PRR5: variants seen among roughly 807,000 people sequenced by gnomAD.
PRR5 encodes proline rich 5.
PRR5 carries 25 observed loss-of-function variants against 30.6 expected under a neutral mutation model. The ratio of observed to expected loss-of-function variants is 0.82; its 90% CI spans 0.60 to 1.14. PRR5 has a LOEUF of 1.14. Ranked by LOEUF, PRR5 falls within the 50% of genes most tolerant of loss-of-function variation. PRR5 has a pLI of 0.00. For missense variants in PRR5, 600 were observed against 547.1 expected (o/e 1.10, Z -0.96); for synonymous variants, 286 against 247.1 (o/e 1.16, Z -1.48).
intron 1 of PRR5, among the ~76,000 whole-genome samples, chr22:44,681,972 G>A (rs1924330256): frequency 6.6e-6 from 1 of 152,210 alleles, no homozygotes; most frequent in South Asian, 2.1e-4. Context: ...AGTGGCTGGA[G>A]GGAGGAGCCG....
At position 44,691,752 on chromosome 22, in the gene PRR5, C is replaced by T. The variant is rs1925260116; in HGVS notation, c.-10-10740C>T. Among the ~76,000 whole-genome samples, 1 of 151,778 alleles carries T rather than the reference C, an allele frequency of 6.6e-6. No individual in the cohort carries two copies. Among genetic ancestry groups the T allele is most frequent in the South Asian group, 2.1e-4 (1 of 4,826 alleles). ...TTGCACCACTGCATTCCAGCCTGCG[C>T]GACGGGAGCAAGACTCCATCTCAAA... On this transcript the variant is annotated intron_variant, in intron 1 of 8. Transcript: ENST00000006251. The surrounding 1 kb of genome is among the most constrained non-coding windows in gnomAD (Gnocchi z 4.4).
chr22:44,731,878 C>T (rs928770316), intron 5 of PRR5, 57 bp downstream of exon 5: 3 of 1,553,674 alleles, frequency 1.9e-6, no homozygotes, highest in Middle Eastern at 2.0e-4. Flanking sequence ...CCCACCCTGG[C>T]CTCACTCTAC....
At chr22:44,673,475 T>C (rs1258828005), upstream of PRR5, among the ~76,000 whole-genome samples, 1 of 152,230 alleles carries the variant, frequency 6.6e-6, no homozygotes, top group Non-Finnish European at 1.5e-5. Context: ...CACTGTTCCA[T>C]CATCATCCCA....
chr22:44,684,021 C>T (rs12169228), intron 1 of PRR5, among the ~76,000 whole-genome samples: 13,684 of 152,154 alleles, frequency 0.09, 773 homozygotes, highest in East Asian at 0.27. Context: ...AGGGTGTGTC[C>T]CCCGGACTGG....
chr22:44,728,715 T>G (rs752999), intron 4 of PRR5, among the ~76,000 whole-genome samples: 20,266 of 152,220 alleles, frequency 0.13, 2,001 homozygotes, highest in South Asian at 0.41. Context: ...CTACCCCTGC[T>G]TGGGTTCCAC....
At chr22:44,730,739 G>A (rs1323656589) in intron 4 of PRR5, 4 of 902,228 alleles carry the variant, frequency 4.4e-6, no homozygotes, top group Non-Finnish European at 5.6e-6. Flanking sequence ...TTCCTTCGAC[G>A]TGGTGCTGCT....
chr22:44,731,639 A>T (rs1456596827), intron 4 of PRR5, 91 bp from the exon 5 acceptor site: 8 of 1,329,134 alleles, frequency 6.0e-6, no homozygotes, highest in Non-Finnish European at 8.6e-6. Context: ...CAGGCCCTCC[A>T]CTCCCGCATC....
chr22:44,685,162 A>C (rs1391598679), intron 1 of PRR5, among the ~76,000 whole-genome samples: 2 of 152,156 alleles, frequency 1.3e-5, no homozygotes, highest in Non-Finnish European at 2.9e-5. Context: ...GGTCTGCCCC[A>C]GGTCGGAGGG....
Position 44,736,870 on chromosome 22 carries a change from C to A in PRR5, c.790C>A (p.Gln264Lys). Residue 264 changes from glutamine to lysine, a missense_variant, in exon 8 of 8, where the codon CAG becomes AAG. Coordinates refer to ENST00000336985, the MANE Select transcript of PRR5 (RefSeq NM_181333.4). ...CAACACGCCTCTGCTGAACCCCGTG[C>A]AGGAGCACGAGGCGGAGGGCGCGGC... ...SYNTPLLNPV[Q>K]EHEAEGAAAG... 1 of 1,609,672 alleles carries A rather than the reference C, an allele frequency of 6.2e-7. No individual in the cohort carries two copies. Among genetic ancestry groups the A allele is most frequent in the Non-Finnish European group, 8.5e-7 (1 of 1,178,260 alleles).
In PRR5 at chr22:44,737,197, T is replaced by C. The variant is rs895404032; in HGVS notation, c.1117T>C (p.Ser373Pro). The C allele has an allele frequency of 3.7e-6, 6 of 1,611,004 alleles. No individual in the cohort carries two copies. Among genetic ancestry groups the C allele is most frequent in the East Asian group, 2.2e-5 (1 of 44,818 alleles). ...IFIDFGRGRG[S>P]GMSDLEGSGG... ...CATTGACTTTGGCCGGGGCCGGGGC[T>C]CTGGCATGTCCGACTTGGAGGGCTC... Residue 373 changes from serine (S) to proline (P), a missense_variant, in exon 8 of 8, where the codon TCT becomes CCT. Coordinates refer to ENST00000336985, the MANE Select transcript of PRR5 (RefSeq NM_181333.4).
At chr22:44,702,665 T>G (rs1926521693) in intron 1 of PRR5, 57 bp downstream of exon 1, 1 of 1,251,224 alleles carries the variant, frequency 8.0e-7, no homozygotes, top group East Asian at 3.2e-5. Flanking sequence ...AGGGGACCCC[T>G]GAGCCGTCCG....
intron 2 of PRR5, among the ~76,000 whole-genome samples, chr22:44,717,144 A>T (rs1929174917): frequency 6.6e-6 from 1 of 151,356 alleles, no homozygotes; most frequent in Non-Finnish European, 1.5e-5. Flanking sequence ...AGAATCTGTT[A>T]CTAGAGACAT....
intron 7 of PRR5, among the ~76,000 whole-genome samples, chr22:44,735,402 G>C (rs1002101184): frequency 3.3e-5 from 5 of 152,214 alleles, no homozygotes; most frequent in African/African-American, 1.2e-4. Flanking sequence ...AGACCTCCGT[G>C]TTCCCCAGGA....
chr22:44,677,757 G>A lies in PRR5; in HGVS notation c.-11+517G>A, dbSNP rs552216805. On this transcript the variant is annotated intron_variant, in intron 1 of 8. Coordinates refer to the PRR5 transcript ENST00000006251. ...GCCTGCTCACATGCTGTGTGACCTT[G>A]GACAGGTTGCTTCACCTCTCTGAGC... Among the ~76,000 whole-genome samples, 276 of 152,280 alleles carry A rather than the reference G, an allele frequency of 1.8e-3. 1 individual carries two copies. The highest frequency in any genetic ancestry group is 6.8e-3 in the Middle Eastern group (2 of 294).
chr22:44,724,677 G>A (rs1930417953), intron 2 of PRR5, among the ~76,000 whole-genome samples: 1 of 152,180 alleles, frequency 6.6e-6, no homozygotes, highest in African/African-American at 2.4e-5. Flanking sequence ...TCAGATCTCA[G>A]CTCTGGCGTG....
intron 4 of PRR5, chr22:44,729,609 G>T: frequency 3.0e-6 from 3 of 985,452 alleles, no homozygotes; most frequent in Non-Finnish European, 3.6e-6. Flanking sequence ...CCGCCTGGAG[G>T]AACTTCCTGG....
Position 44,713,949 on chromosome 22 carries a change from G to A in PRR5, c.135-642G>A, listed in dbSNP as rs767365515. Among the ~76,000 whole-genome samples, 18 of 152,320 alleles carry A rather than the reference G, an allele frequency of 1.2e-4. 2 individuals are homozygous for A. The highest frequency in any genetic ancestry group is 1.0e-3 in the Admixed American group (16 of 15,302). ...CTCCCGAGCAGCTGGGACTACAGGCGCCCGCCATCGCGCCCTGCTGATTTT... is the reference window on the plus strand; with the variant it reads ...CTCCCGAGCAGCTGGGACTACAGGCACCCGCCATCGCGCCCTGCTGATTTT... On this transcript the variant is annotated intron_variant, in intron 1 of 7. Transcript: ENST00000336985.
upstream of PRR5, among the ~76,000 whole-genome samples, chr22:44,699,484 A>G (rs1434651935): frequency 6.6e-6 from 1 of 152,230 alleles, no homozygotes; most frequent in Non-Finnish European, 1.5e-5. Context: ...TCTCGCTCAC[A>G]TCTGTCCAGC....
intron 1 of PRR5, among the ~76,000 whole-genome samples, chr22:44,709,753 G>C (rs1927861818): frequency 6.6e-6 from 1 of 152,176 alleles, no homozygotes; most frequent in South Asian, 2.1e-4. Context: ...TCTGGAGGCT[G>C]AGGCAGGAGA....
Sources: gnomAD v4.1 joint callset for allele counts (sites outside exome capture counted in the v4.1 genomes callset) on GRCh38, gnomAD v4.1.1 for gene constraint, Gnocchi (gnomAD v3.1) non-coding constraint, MANE v1.5 for transcripts, NCBI Gene and HGNC (gene_info 2026-07-23, HGNC 2026-07-21) for gene names.